The following TMED1 variants were observed in gnomAD, a reference collection of about 807,000 sequenced individuals.
TMED1 encodes transmembrane p24 trafficking protein 1.
In TMED1, 20 loss-of-function variants were observed where a neutral mutation model predicts 21.2. That is an observed-to-expected ratio of 0.95 (90% CI 0.67 to 1.37). TMED1 has a LOEUF of 1.37. Ranked by LOEUF, TMED1 falls within the 40% of genes most tolerant of loss-of-function variation. The pLI, the probability that TMED1 is intolerant of heterozygous loss-of-function variation, is 0.00. For synonymous variants in TMED1, 149 were observed against 134.7 expected, an observed-to-expected ratio of 1.11 and a Z score of -0.74; for missense variants, 316 against 309.8, an observed-to-expected ratio of 1.02 and a Z score of -0.15.
rs911299008 is a variant in TMED1, at chr19:10,832,318, C to T, written c.*677G>A. 51 of 1,289,710 alleles carry T rather than the reference C, an allele frequency of 4.0e-5. No individual in the cohort carries two copies. Among genetic ancestry groups the T allele is most frequent in the Admixed American group, 6.9e-5 (3 of 43,542 alleles). 79.9% of individuals were successfully genotyped at this position (1,289,710 alleles called of 1,614,324 possible). A position where few individuals can be genotyped will look rare whatever the true frequency, so the allele number is the denominator to read the frequency against. On this transcript the variant is annotated 3_prime_UTR_variant, in exon 4 of 4. Transcript: ENST00000214869. The stretch of plus-strand genomic sequence containing the variant: ...TCTTGTGCCAGGCGACCACCTCCAT[C>T]GGCTCCCGCACGACCTTTCTTCTGA...
Position 10,835,369 on chromosome 19 carries a change from G to A in TMED1, c.184-16C>T. On this transcript the variant is annotated splice_polypyrimidine_tract_variant and intron_variant, in intron 1 of 3. Transcript: ENST00000214869. ...CTCCGATCACCTGGGGGGCAGGTAA[G>A]AGCGGGTGGAGGGCTAGCGGTAGGC... 6.2e-7 allele frequency: 1 copy of A among 1,613,220 alleles called. No individual in the cohort carries two copies. The highest frequency in any genetic ancestry group is 8.5e-7 in the Non-Finnish European group (1 of 1,179,820).
intron 2 of TMED1, 27 bp from the exon 3 acceptor site, chr19:10,835,144 CCCAGGGTGG>C: frequency 6.2e-7 from 1 of 1,609,116 alleles, no homozygotes; most frequent in African/African-American, 1.3e-5. Flanking sequence ...ACAGACATGA[CCCAGGGTGG>C]CCAGCCAGCC....
At chr19:10,835,804 A>G (rs1469515018) in intron 1 of TMED1, 2 of 975,350 alleles carry the variant, frequency 2.1e-6, no homozygotes, top group African/African-American at 1.9e-5. Context: ...TGGATCTCTT[A>G]CTCTAGCCCC....
rs150354471 is a variant in TMED1 at position 10,835,027 on chromosome 19, G to A, written c.372C>T (p.Ile124=). 6.2e-7 allele frequency: 1 copy of A among 1,614,104 alleles called. No individual in the cohort carries two copies. Among genetic ancestry groups the A allele is most frequent in the Non-Finnish European group, 8.5e-7 (1 of 1,180,040 alleles). ...CCTCGTCATCCTGGAGGCTGTCAAA[G>A]ATCAGTTCAAAGAACACCAGCTTCT... ...ISEKLVFFEL[I]FDSLQDDEEV... The change falls in exon 3 of 4, where the codon ATC becomes ATT. Residue 124 remains isoleucine, a synonymous_variant. Transcript: ENST00000214869.
rs1190586739 is a variant in TMED1, at chr19:10,832,382, C to G, written c.*613G>C. Reference sequence around the variant, plus strand: ...CCCCTCCCACCTGTCTGGCTGCCCCCTCGGGGGCCGGTCTGTCCTGGCTGG... The same window carrying G: ...CCCCTCCCACCTGTCTGGCTGCCCCGTCGGGGGCCGGTCTGTCCTGGCTGG... On this transcript the variant is annotated 3_prime_UTR_variant, in exon 4 of 4. Transcript: ENST00000214869. The G allele has an allele frequency of 7.8e-7, 1 of 1,289,304 alleles. No homozygotes were observed. Among genetic ancestry groups the G allele is most frequent in the South Asian group, 1.2e-5 (1 of 81,012 alleles). 79.9% of individuals were successfully genotyped at this position (1,289,304 alleles called of 1,614,324 possible). A position where few individuals can be genotyped will look rare whatever the true frequency, so the allele number is the denominator to read the frequency against.
Position 10,832,534 on chromosome 19 carries a change from A to C in TMED1, c.*461T>G. 5 of 518,364 alleles carry C rather than the reference A, an allele frequency of 9.6e-6. No individual in the cohort carries two copies. Among genetic ancestry groups the C allele is most frequent in the Non-Finnish European group, 1.6e-5 (5 of 313,868 alleles). The allele number at this position is 518,364 out of a possible 1,614,324, so 32.1% of individuals were successfully genotyped here. On this transcript the variant is annotated 3_prime_UTR_variant, in exon 4 of 4. Transcript: ENST00000214869. ...CTAGACTTTGGCCGGGCCATCCCTC[A>C]TGCCTGTGTGGGGCCCCTGCAGGAG... is the stretch of plus-strand genomic sequence containing the variant.
Position 10,833,132 on chromosome 19 carries a change from G to A in TMED1, c.547C>T (p.Arg183Cys), listed in dbSNP as rs2073379463. ...TCCAAGTTGCCCTCTTGCAGGTTGC[G>A]GTCACGTGCCTCGAAGGCCCGCAGT... ...TLLRAFEARD[R>C]NLQEGNLERV... Residue 183 changes from arginine to cysteine, a missense_variant, in exon 4 of 4, where the codon CGC becomes TGC. By Grantham distance (180) the Arg-to-Cys change is radical. Transcript: ENST00000214869. The A allele has an allele frequency of 4.3e-6, 7 of 1,613,894 alleles. No homozygotes were observed. Among genetic ancestry groups the A allele is most frequent in the East Asian group, 2.2e-5 (1 of 44,896 alleles).
Position 10,832,981 on chromosome 19 carries a change from TTCCA to T in TMED1, c.*10_*13del. On this transcript the variant is annotated 3_prime_UTR_variant, in exon 4 of 4. Coordinates refer to ENST00000214869, the MANE Select transcript of TMED1 (RefSeq NM_006858.4). ...TGCCCCTCCTTTGTCCCGTTCTTCC[TTCCA>T]TGGCAGGGGCTACGTGGGCACCGGG... 6.2e-7 allele frequency: 1 copy of T among 1,609,782 alleles called. No individual in the cohort carries two copies. The highest frequency in any genetic ancestry group is 8.5e-7 in the Non-Finnish European group (1 of 1,179,526).
chr19:10,833,341 G>T, intron 3 of TMED1, 128 bp from the exon 4 acceptor site: 1 of 758,216 alleles, frequency 1.3e-6, no homozygotes. Context: ...ACACAGACTT[G>T]TTCAGGCTAA....
In TMED1 at chr19:10,832,392, G is replaced by A. The variant is rs193116212; in HGVS notation, c.*603C>T. ...CTGTCTGGCTGCCCCCTCGGGGGCC[G>A]GTCTGTCCTGGCTGGTGTCCCTGAG... On this transcript the variant is annotated 3_prime_UTR_variant, in exon 4 of 4. Transcript: ENST00000214869. The A allele has an allele frequency of 3.6e-5, 46 of 1,281,148 alleles. No individual in the cohort carries two copies. The East Asian group carries it at 4.4e-4, about 12-fold the overall frequency. The allele number at this position is 1,281,148 out of a possible 1,614,324, so 79.4% of individuals were successfully genotyped here. A position where few individuals can be genotyped will look rare whatever the true frequency, so the allele number is the denominator to read the frequency against.
intron 1 of TMED1, 155 bp downstream of exon 1, chr19:10,835,854 C>T: frequency 1.0e-6 from 1 of 978,284 alleles, no homozygotes; most frequent in Non-Finnish European, 1.2e-6. Flanking sequence ...TCCCACACAC[C>T]GTCCCCGCCC....
At chr19:10,835,500 C>A in intron 1 of TMED1, 147 bp from the exon 2 acceptor site, 1 of 1,479,328 alleles carries the variant, frequency 6.8e-7, no homozygotes, top group Non-Finnish European at 9.0e-7. Context: ...CCAACCTGTC[C>A]CAGTGGCTGC....
rs1401397463 is a variant in TMED1, at chr19:10,833,138, G to T, written c.541C>A (p.Arg181Ser). The change falls in exon 4 of 4, where the codon CGT becomes AGT. Residue 181 changes from arginine to serine, a missense_variant. By Grantham distance (110) the Arg-to-Ser change is moderately radical. Coordinates refer to ENST00000214869, the MANE Select transcript of TMED1 (RefSeq NM_006858.4). ...TTGCCCTCTTGCAGGTTGCGGTCAC[G>T]TGCCTCGAAGGCCCGCAGTAGCGTG... ...MLTLLRAFEA[R>S]DRNLQEGNLE... is the part of the protein sequence containing the mutation. The T allele has an allele frequency of 6.2e-7, 1 of 1,613,986 alleles. No homozygotes were observed. The highest frequency in any genetic ancestry group is 8.5e-7 in the Non-Finnish European group (1 of 1,180,040).
chr19:10,832,185 G>C lies in TMED1; in HGVS notation c.*810C>G. On this transcript the variant is annotated 3_prime_UTR_variant, in exon 4 of 4. Transcript: ENST00000214869. ...GCTGCCTGGTGAAGCGGGGACCCCA[G>C]CGCTCCACCCCCTTCCTACCCTCAG... 1 of 903,344 alleles carries C rather than the reference G, an allele frequency of 1.1e-6. No individual in the cohort carries two copies. The highest frequency in any genetic ancestry group is 1.4e-5 in the South Asian group (1 of 71,092). The allele number at this position is 903,344 out of a possible 1,614,324, so 56.0% of individuals were successfully genotyped here.
chr19:10,836,134 C>G lies in TMED1; in HGVS notation c.58G>C (p.Glu20Gln), dbSNP rs554895627. 2.6e-6 allele frequency: 4 copies of G among 1,566,868 alleles called. No individual in the cohort carries two copies. In the South Asian group the frequency reaches 3.5e-5, roughly 14 times the overall value. ...LALWLLMPPV[E>Q]VGGAGPPPIQ... ...GGCGGGGGCCCCGCCCCTCCCACCTCCACTGGTGGCATTAGTAGCCACAAG... is the reference window on the plus strand; with the variant it reads ...GGCGGGGGCCCCGCCCCTCCCACCTGCACTGGTGGCATTAGTAGCCACAAG... Residue 20 changes from glutamate to glutamine, a missense_variant, in exon 1 of 4, where the codon GAG (glutamate) becomes CAG (glutamine). Glu to Gln is a conservative substitution (Grantham distance 29, BLOSUM62 2). Coordinates refer to ENST00000214869, the MANE Select transcript of TMED1 (RefSeq NM_006858.4).
rs533976001 is a variant in TMED1 at position 10,835,861 on chromosome 19, GC to G, written c.183+147del. ...CCTTCCGCTCCCACACACCGTCCCC[GC>G]CCCATCTGTCCATCTCTTTCTAGCT... On this transcript the variant is annotated intron_variant, in intron 1 of 3. Coordinates refer to ENST00000214869, the MANE Select transcript of TMED1 (RefSeq NM_006858.4). 1.8e-3 allele frequency: 2,384 copies of G among 1,357,096 alleles called. 5 individuals carry two copies. The highest frequency in any genetic ancestry group is 2.0e-3 in the Admixed American group (62 of 30,480). The allele number at this position is 1,357,096 out of a possible 1,614,324, so 84.1% of individuals were successfully genotyped here.
Position 10,836,159 on chromosome 19 carries a change from G to T in TMED1, c.33C>A (p.Ala11=), listed in dbSNP as rs770850022. 1 of 1,565,046 alleles carries T rather than the reference G, an allele frequency of 6.4e-7. No homozygotes were observed. The highest frequency in any genetic ancestry group is 1.9e-5 in the Admixed American group (1 of 52,136). Residue 11 remains alanine (A), a synonymous_variant, in exon 1 of 4, where the codon GCC becomes GCA. Transcript: ENST00000214869. The part of the protein sequence containing the change: MMAAGAALAL[A]LWLLMPPVEV... Reference sequence around the variant, plus strand: ...CCACTGGTGGCATTAGTAGCCACAAGGCCAGGGCTAGGGCCGCGCCGGCCG... The same window carrying T: ...CCACTGGTGGCATTAGTAGCCACAATGCCAGGGCTAGGGCCGCGCCGGCCG...
rs749744603 is a variant in TMED1 at position 10,833,022 on chromosome 19, G to A, written c.657C>T (p.Phe219=). Residue 219 remains phenylalanine, a synonymous_variant, in exon 4 of 4, where the codon TTC becomes TTT. Transcript: ENST00000214869. ...ACGTGGGCACCGGGCGCTTGTCCTGGAAGAAGCGCTTGAGCGTGCAGACCT... is the reference window on the plus strand; with the variant it reads ...ACGTGGGCACCGGGCGCTTGTCCTGAAAGAAGCGCTTGAGCGTGCAGACCT... The part of the protein sequence containing the change: ...VLQVCTLKRF[F]QDKRPVPT 3.1e-6 allele frequency: 5 copies of A among 1,613,524 alleles called. No individual in the cohort carries two copies. The highest frequency in any genetic ancestry group is 2.2e-5 in the East Asian group (1 of 44,886).
In TMED1 at chr19:10,832,110, A is replaced by G. The variant is rs2073361945; in HGVS notation, c.*885T>C. Among the ~76,000 whole-genome samples, 1 of 151,976 alleles carries G rather than the reference A, an allele frequency of 6.6e-6. No individual in the cohort carries two copies. Among genetic ancestry groups the G allele is most frequent in the Non-Finnish European group, 1.5e-5 (1 of 67,974 alleles). On this transcript the variant is annotated 3_prime_UTR_variant, in exon 4 of 4. Transcript: ENST00000214869. ...CTTTCCTTAGCATGTGAGGAGTGGG[A>G]GCAGATATTCTCTGACCCCCTGCAC...
Sources: allele counts gnomAD v4.1 joint callset (sites outside exome capture counted in the v4.1 genomes callset), GRCh38; gene constraint gnomAD v4.1.1; transcripts MANE v1.5; gene names NCBI Gene and HGNC (gene_info 2026-07-23, HGNC 2026-07-21).